PRKN: variants seen among roughly 807,000 people sequenced by gnomAD.
PRKN encodes E3 ubiquitin-protein ligase parkin.
PRKN carries 56 observed loss-of-function variants against 59.5 expected under a neutral mutation model. The observed-to-expected ratio is 0.94, with a 90% CI of 0.76 to 1.18. The LOEUF is 1.18. PRKN is among the 50% of genes most tolerant of loss of function. PRKN has a pLI of 0.00. For missense variants in PRKN, 657 were observed against 596.4 expected, an observed-to-expected ratio of 1.10 and a Z score of -1.06; for synonymous variants, 250 against 222.1, an observed-to-expected ratio of 1.13 and a Z score of -1.12.
At chr6:162,191,662 C>T (rs555206305) in intron 4 of PRKN, among the ~76,000 whole-genome samples, 45 of 152,234 alleles carry the variant, frequency 3.0e-4, no homozygotes, top group African/African-American at 1.0e-3. Flanking sequence ...AGGCTCGTCT[C>T]GAACTCCTGA....
chr6:161,932,779 T>C (rs1011424595), intron 6 of PRKN, among the ~76,000 whole-genome samples: 36 of 152,124 alleles, frequency 2.4e-4, no homozygotes, highest in African/African-American at 8.0e-4. Flanking sequence ...TGGTTACAAC[T>C]ATACTAGCAG....
rs145905949 is a variant in PRKN at position 162,358,806 on chromosome 6, T to A, written c.171+84504A>T. 8.1e-3 allele frequency among the ~76,000 whole-genome samples: 1,231 copies of A among 152,138 alleles called. 18 individuals are homozygous for A. Among genetic ancestry groups the A allele is most frequent in the African/African-American group, 0.028 (1,151 of 41,498 alleles). On this transcript the variant is annotated intron_variant, in intron 2 of 11. Coordinates refer to ENST00000366898, the MANE Select transcript of PRKN (RefSeq NM_004562.3). ...CAGGCAGAGCAGCTCACGCCTGTAATCCCAGCACTTTGGGAGGCCAAGGCG... is the reference window on the plus strand; with the variant it reads ...CAGGCAGAGCAGCTCACGCCTGTAAACCCAGCACTTTGGGAGGCCAAGGCG...
chr6:161,744,103 A>G (rs953970727), intron 7 of PRKN, among the ~76,000 whole-genome samples: 2 of 152,054 alleles, frequency 1.3e-5, no homozygotes, highest in African/African-American at 4.8e-5. Flanking sequence ...ATGTATGAAT[A>G]TGTTTTTTAA....
intron 7 of PRKN, among the ~76,000 whole-genome samples, chr6:161,780,633 T>C (rs1007198621): frequency 6.6e-6 from 1 of 152,146 alleles, no homozygotes; most frequent in Non-Finnish European, 1.5e-5. Context: ...AAACTATTAA[T>C]TAAAGATAGA....
At position 161,548,732 on chromosome 6, in the gene PRKN, A is replaced by G. The variant is rs1779882930; in HGVS notation, c.1083+122T>C. 1.1e-6 allele frequency: 1 copy of G among 880,384 alleles called. No individual in the cohort carries two copies. Among genetic ancestry groups the G allele is most frequent in the South Asian group, 1.6e-5 (1 of 63,332 alleles). The allele number at this position is 880,384 out of a possible 1,614,324, so 54.5% of individuals were successfully genotyped here. A position where few individuals can be genotyped will look rare whatever the true frequency, so the allele number is the denominator to read the frequency against. On this transcript the variant is annotated intron_variant, in intron 9 of 11. Transcript: ENST00000366898. The surrounding 1 kb of genome is among the most constrained non-coding windows in gnomAD (Gnocchi z 4.2). Reference sequence around the variant, plus strand: ...ATTTAAAATCTATTTTCTTATATGTAAGTTCAAAGATGTCTAAGTCCAAAG... The same window carrying G: ...ATTTAAAATCTATTTTCTTATATGTGAGTTCAAAGATGTCTAAGTCCAAAG...
intron 6 of PRKN, among the ~76,000 whole-genome samples, chr6:161,830,541 C>T (rs1258577290): frequency 3.3e-5 from 5 of 152,248 alleles, no homozygotes; most frequent in Admixed American, 2.0e-4. Context: ...CGTGAGCCCC[C>T]GCACCCGGCC....
intron 2 of PRKN, among the ~76,000 whole-genome samples, chr6:162,336,715 C>T (rs1414149292): frequency 6.6e-6 from 1 of 152,166 alleles, no homozygotes; most frequent in Non-Finnish European, 1.5e-5. Context: ...GAATACTTTC[C>T]ATAAAGTTCA....
intron 2 of PRKN, among the ~76,000 whole-genome samples, chr6:162,380,400 TATATATATATATACACAC>T (rs1242636048): frequency 5.5e-5 from 1 of 18,056 alleles, no homozygotes; most frequent in African/African-American, 1.6e-3. Flanking sequence ...TTTAAAGCTA[TATATATATATATACACAC>T]ATATATATAT....
chr6:162,359,029 C>A (rs1327876731), intron 2 of PRKN, among the ~76,000 whole-genome samples: 5 of 137,498 alleles, frequency 3.6e-5, no homozygotes, highest in African/African-American at 1.4e-4. Context: ...TACTGCACAC[C>A]ATCCTGGGTG....
intron 1 of PRKN, among the ~76,000 whole-genome samples, chr6:162,509,182 CAT>C (rs1459524298): frequency 6.6e-6 from 1 of 152,176 alleles, no homozygotes; most frequent in African/African-American, 2.4e-5. Flanking sequence ...TTTCTACAAA[CAT>C]ATCCATTAAA....
At chr6:162,347,861 C>A (rs752416784) in intron 2 of PRKN, among the ~76,000 whole-genome samples, 1 of 152,118 alleles carries the variant, frequency 6.6e-6, no homozygotes, top group Non-Finnish European at 1.5e-5. Flanking sequence ...AACTAACAAT[C>A]CCTAAGAGAC....
intron 1 of PRKN, among the ~76,000 whole-genome samples, chr6:162,603,766 C>T (rs1264143579): frequency 6.6e-6 from 1 of 152,068 alleles, no homozygotes; most frequent in Non-Finnish European, 1.5e-5. Flanking sequence ...GAGTAGAGCA[C>T]GCTGGAAACC....
intron 2 of PRKN, among the ~76,000 whole-genome samples, chr6:162,384,147 G>T (rs1290880607): frequency 2.0e-5 from 3 of 152,166 alleles, no homozygotes; most frequent in Non-Finnish European, 2.9e-5. Flanking sequence ...CTTCCCTCAA[G>T]AATTTTTCCT....
chr6:161,663,191 T>C (rs1022546771), intron 7 of PRKN, among the ~76,000 whole-genome samples: 2 of 152,168 alleles, frequency 1.3e-5, no homozygotes, highest in African/African-American at 4.8e-5. Context: ...CTCTTTTTCT[T>C]TATAAATTAC....
rs1259724706 is a variant in PRKN, at chr6:161,468,510, T to C, written c.1083+80344A>G. Among the ~76,000 whole-genome samples the C allele has an allele frequency of 6.6e-6, 1 of 152,214 alleles. No individual in the cohort carries two copies. The highest frequency in any genetic ancestry group is 6.5e-5 in the Admixed American group (1 of 15,280). The stretch of plus-strand genomic sequence containing the variant: ...TTGCCTCACTCCCCATTTATTGACA[T>C]GTGCTTATTAACATGTTTAGAAACT... On this transcript the variant is annotated intron_variant, in intron 9 of 11. Transcript: ENST00000366898. This position sits in a 1 kb window ranked among gnomAD's most constrained non-coding sequence, Gnocchi z 5.9.
chr6:162,651,316 A>T (rs1016376664), intron 1 of PRKN, among the ~76,000 whole-genome samples: 1 of 152,190 alleles, frequency 6.6e-6, no homozygotes, highest in Non-Finnish European at 1.5e-5. Flanking sequence ...CCTTTGCATG[A>T]TCACACATAC....
At position 161,529,945 on chromosome 6, in the gene PRKN, C is replaced by T. The variant is rs1319429147; in HGVS notation, c.1083+18909G>A. On this transcript the variant is annotated intron_variant, in intron 9 of 11. Coordinates refer to ENST00000366898, the MANE Select transcript of PRKN (RefSeq NM_004562.3). The surrounding 1 kb of genome is among the most constrained non-coding windows in gnomAD (Gnocchi z 4.4). Reference sequence around the variant, plus strand: ...CATATATAATAAAATAACACAGGAACATTAATCTACTTTGTAGAGTAGTGA... The same window carrying T: ...CATATATAATAAAATAACACAGGAATATTAATCTACTTTGTAGAGTAGTGA... 2.0e-5 allele frequency among the ~76,000 whole-genome samples: 3 copies of T among 152,068 alleles called. No individual in the cohort carries two copies. The highest frequency in any genetic ancestry group is 4.4e-5 in the Non-Finnish European group (3 of 68,022).
intron 7 of PRKN, among the ~76,000 whole-genome samples, chr6:161,670,586 C>G (rs918275153): frequency 2.0e-5 from 3 of 152,074 alleles, no homozygotes. Context: ...GAGGCCGAGG[C>G]GGGTGGATCA....
At chr6:161,571,632 A>C (rs1219055113) in intron 7 of PRKN, among the ~76,000 whole-genome samples, 2 of 152,248 alleles carry the variant, frequency 1.3e-5, no homozygotes, top group Non-Finnish European at 2.9e-5. Context: ...ATGAATACTT[A>C]TGTAGGATAT....
Sources: allele counts gnomAD v4.1 joint callset (sites outside exome capture counted in the v4.1 genomes callset), GRCh38; gene constraint gnomAD v4.1.1; non-coding constraint Gnocchi (gnomAD v3.1); transcripts MANE v1.5; gene names NCBI Gene and HGNC (gene_info 2026-07-23, HGNC 2026-07-21).